Variants in SPATA24 observed in about 807,000 individuals in gnomAD.
SPATA24 encodes the protein spermatogenesis associated 24.
SPATA24 carries 21 observed loss-of-function variants against 28.9 expected under a neutral mutation model. The ratio of observed to expected loss-of-function variants is 0.73; its 90% CI spans 0.52 to 1.05. SPATA24 has a LOEUF of 1.05. Ranked by LOEUF, SPATA24 falls within the 50% of genes least tolerant of loss-of-function variation. The pLI is 0.00. For missense variants in SPATA24, 215 were observed against 242.9 expected (o/e 0.88, Z 0.76); for synonymous variants, 76 against 89.9 (o/e 0.85, Z 0.88).
At chr5:139,394,174 C>T (rs1417641703), downstream of SPATA24, 7 of 1,546,318 alleles carry the variant, frequency 4.5e-6, no homozygotes, top group East Asian at 2.5e-5. Flanking sequence ...CGAATTATCT[C>T]GTACGCGAAG....
At chr5:139,397,549 T>TTC (rs201593568) in intron 4 of SPATA24, among the ~76,000 whole-genome samples, 214 of 139,814 alleles carry the variant, frequency 1.5e-3, no homozygotes, top group African/African-American at 6.4e-3. Flanking sequence ...TCTTCCTGCT[T>TTC]TCTCTTTTTT....
In SPATA24 at chr5:139,402,651, G is replaced by A; in HGVS notation, c.160C>T (p.Gln54Ter). 1 of 1,551,770 alleles carries A rather than the reference G, an allele frequency of 6.4e-7. No homozygotes were observed. The highest frequency in any genetic ancestry group is 1.2e-5 in the South Asian group (1 of 84,050). The change falls in exon 2 of 6, where the codon CAG becomes TAG. Residue 54 changes from glutamine (Q) to a stop codon, truncating the protein, a stop_gained. Coordinates refer to ENST00000450845, the MANE Select transcript of SPATA24 (RefSeq NM_194296.2). LOFTEE classifies it high-confidence loss of function. ...DENFVSKEEF[Q>*]AVEKKLVEEK... ...ACCACCAGCTTCTTCTCCACTGCCT[G>A]GAACTCTTCTTTACTGACAAAATTT... is the stretch of plus-strand genomic sequence containing the variant.
At chr5:139,399,425 G>A (rs1276713703) in intron 4 of SPATA24, among the ~76,000 whole-genome samples, 1 of 150,936 alleles carries the variant, frequency 6.6e-6, no homozygotes, top group Non-Finnish European at 1.5e-5. Context: ...GGTAAAAAGT[G>A]AAGGCACAGC....
chr5:139,403,566 A>G (rs1758867839), intron 1 of SPATA24, among the ~76,000 whole-genome samples: 2 of 152,204 alleles, frequency 1.3e-5, no homozygotes, highest in Admixed American at 1.3e-4. Flanking sequence ...TCAACACGGC[A>G]CTGCCTTTGA....
intron 4 of SPATA24, among the ~76,000 whole-genome samples, chr5:139,399,461 G>A (rs930576398): frequency 2.0e-5 from 3 of 152,002 alleles, no homozygotes; most frequent in Non-Finnish European, 4.4e-5. Context: ...CAGGTGAAGG[G>A]AGAGAATGAA....
downstream of SPATA24, chr5:139,396,596 G>A: frequency 1.4e-6 from 2 of 1,408,890 alleles, no homozygotes; most frequent in Middle Eastern, 1.9e-4. Context: ...TATATAGGAA[G>A]GGATTAAATA....
At chr5:139,392,920 T>G, downstream of SPATA24, 2 of 1,532,072 alleles carry the variant, frequency 1.3e-6, no homozygotes, top group Non-Finnish European at 1.8e-6. The surrounding 1 kb of genome is among the most constrained non-coding windows in gnomAD (Gnocchi z 5.8). Context: ...CGTGCTGTTC[T>G]CTGCCCTCCG....
chr5:139,394,620 G>A, downstream of SPATA24: 1 of 1,534,026 alleles, frequency 6.5e-7, no homozygotes, highest in South Asian at 1.2e-5. Flanking sequence ...ACTGGCGTGG[G>A]ACCGCGGCGG....
At chr5:139,395,694 C>A (rs1040273573), downstream of SPATA24, 1 of 152,316 alleles carries the variant, frequency 6.6e-6, no homozygotes, top group Non-Finnish European at 1.5e-5. Flanking sequence ...CCGCTAGAGG[C>A]TTCCCTGACT....
At chr5:139,399,269 A>G (rs1758774013) in intron 4 of SPATA24, among the ~76,000 whole-genome samples, 1 of 151,410 alleles carries the variant, frequency 6.6e-6, no homozygotes. Context: ...GTGAGCCGAG[A>G]TCTCGACACC....
downstream of SPATA24, chr5:139,395,134 C>T: frequency 7.3e-7 from 1 of 1,372,676 alleles, no homozygotes; most frequent in Non-Finnish European, 9.4e-7. Flanking sequence ...CCGCTGGTGG[C>T]GCCGGCACTG....
At chr5:139,392,630 GT>G, downstream of SPATA24, 1 of 1,386,866 alleles carries the variant, frequency 7.2e-7, no homozygotes. This position sits in a 1 kb window ranked among gnomAD's most constrained non-coding sequence, Gnocchi z 5.8. Context: ...GGTGTCTTCG[GT>G]TTGGGTGCTA....
chr5:139,393,419 C>T, downstream of SPATA24: 1 of 1,551,658 alleles, frequency 6.4e-7, no homozygotes, highest in Middle Eastern at 1.7e-4. Context: ...TCTGGAGTGC[C>T]GGGTGCGGAC....
downstream of SPATA24, chr5:139,393,962 G>C: frequency 6.4e-7 from 1 of 1,550,660 alleles, no homozygotes; most frequent in South Asian, 1.2e-5. Flanking sequence ...CACTCAAAAG[G>C]CGGACTCCGT....
chr5:139,394,291 G>A, downstream of SPATA24: 2 of 1,519,896 alleles, frequency 1.3e-6, no homozygotes, highest in Admixed American at 2.2e-5. Context: ...GCTCGGGGCC[G>A]GGGCCTCGGG....
chr5:139,393,737 T>G (rs919585841), downstream of SPATA24: 2 of 1,551,338 alleles, frequency 1.3e-6, no homozygotes, highest in African/African-American at 2.7e-5. Context: ...CTTCTCCTGC[T>G]GACAGTTTCC....
downstream of SPATA24, chr5:139,393,304 TGGCTGCCGGGC>T: frequency 6.4e-7 from 1 of 1,550,592 alleles, no homozygotes; most frequent in Non-Finnish European, 8.7e-7. Flanking sequence ...GCCCACAGGG[TGGCTGCCGGGC>T]GGCTCGGGTG....
At chr5:139,400,677 T>G (rs1758802393) in intron 4 of SPATA24, among the ~76,000 whole-genome samples, 1 of 152,136 alleles carries the variant, frequency 6.6e-6, no homozygotes, top group Non-Finnish European at 1.5e-5. Flanking sequence ...TGTACGGGCA[T>G]GTGTAGCTGA....
chr5:139,393,006 C>A (rs1156873793), downstream of SPATA24: 19 of 1,517,756 alleles, frequency 1.3e-5, no homozygotes, highest in Admixed American at 3.7e-4. Flanking sequence ...CGTAGGGGTG[C>A]GGCACCACCG....
Sources: allele counts gnomAD v4.1 joint callset (sites outside exome capture counted in the v4.1 genomes callset), GRCh38; gene constraint gnomAD v4.1.1; non-coding constraint Gnocchi (gnomAD v3.1); transcripts MANE v1.5; gene names NCBI Gene and HGNC (gene_info 2026-07-23, HGNC 2026-07-21).